NFIB: variants seen among roughly 807,000 people sequenced by gnomAD.
The protein encoded by NFIB is nuclear factor 1 B-type.
NFIB carries 11 observed loss-of-function variants against 61.5 expected under a neutral mutation model. The observed-to-expected ratio is 0.18, with a 90% CI of 0.11 to 0.30. NFIB has a LOEUF of 0.30. Ranked by LOEUF, NFIB falls within the 10% of genes least tolerant of loss-of-function variation. NFIB has a pLI of 1.00. For missense variants in NFIB, 471 were observed against 608.9 expected (o/e 0.77, Z 2.38); for synonymous variants, 260 against 216.5 (o/e 1.20, Z -1.76).
At chr9:14,204,691 T>A in intron 2 of NFIB, 1 of 622,506 alleles carries the variant, frequency 1.6e-6, no homozygotes, top group South Asian at 1.8e-5. Flanking sequence ...TGGTGTAGAA[T>A]AAGAAAGCTC....
intron 6 of NFIB, among the ~76,000 whole-genome samples, chr9:14,141,462 G>A (rs183071193): frequency 7.2e-5 from 11 of 152,116 alleles, no homozygotes; most frequent in Admixed American, 2.0e-4. Context: ...ACGGCTCATC[G>A]TCCTTAAAAC....
chr9:14,315,042 C>G (rs1006135416), upstream of NFIB, among the ~76,000 whole-genome samples: 1 of 151,906 alleles, frequency 6.6e-6, no homozygotes, highest in Admixed American at 6.5e-5. Flanking sequence ...GCACCCGGGG[C>G]GGGCTCAGTC....
chr9:14,511,509 A>G, the NFIB span, among the ~76,000 whole-genome samples: 1 of 119,292 alleles, frequency 8.4e-6, no homozygotes, highest in African/African-American at 2.9e-5. Context: ...TTATTTCATC[A>G]CTGTATGTTA....
intron 1 of NFIB, among the ~76,000 whole-genome samples, chr9:14,346,052 G>C (rs1055263306): frequency 6.6e-6 from 1 of 152,184 alleles, no homozygotes; most frequent in Non-Finnish European, 1.5e-5. Flanking sequence ...GGCTGAGGAG[G>C]CACGACCCTG....
the NFIB span, among the ~76,000 whole-genome samples, chr9:14,505,488 C>T: frequency 6.6e-6 from 1 of 152,196 alleles, no homozygotes; most frequent in South Asian, 2.1e-4. Context: ...GAGCCTTGAA[C>T]TTGTGCATGA....
chr9:14,237,125 AAAC>A (rs2053821029), intron 2 of NFIB, among the ~76,000 whole-genome samples: 3 of 152,226 alleles, frequency 2.0e-5, no homozygotes, highest in Admixed American at 6.5e-5. Flanking sequence ...TGAACTGCAT[AAAC>A]ATAAACAATT....
At chr9:14,249,291 C>T (rs2055302036) in intron 2 of NFIB, among the ~76,000 whole-genome samples, 1 of 152,142 alleles carries the variant, frequency 6.6e-6, no homozygotes, top group South Asian at 2.1e-4. Flanking sequence ...ACAAATTGCC[C>T]AAGTTTAAAT....
At chr9:14,479,034 G>C in the NFIB span, among the ~76,000 whole-genome samples, 1 of 152,202 alleles carries the variant, frequency 6.6e-6, no homozygotes, top group Non-Finnish European at 1.5e-5. Flanking sequence ...GTTGGGATTA[G>C]ACCAAGAAAT....
At chr9:14,262,936 A>C (rs184044683) in intron 2 of NFIB, among the ~76,000 whole-genome samples, 6 of 152,236 alleles carry the variant, frequency 3.9e-5, no homozygotes, top group Admixed American at 2.0e-4. Flanking sequence ...AAAAAAATTC[A>C]ATGTCGACAT....
intron 3 of NFIB, among the ~76,000 whole-genome samples, chr9:14,174,397 T>C (rs1024526084): frequency 6.6e-6 from 1 of 152,180 alleles, no homozygotes; most frequent in Non-Finnish European, 1.5e-5. Context: ...ATAGTGCATT[T>C]TTCCTCATTA....
intron 1 of NFIB, among the ~76,000 whole-genome samples, chr9:14,385,415 G>A (rs994586479): frequency 6.6e-6 from 1 of 152,206 alleles, no homozygotes; most frequent in African/African-American, 2.4e-5. Flanking sequence ...TACAGAGGGG[G>A]TTGGGAGGCC....
intron 1 of NFIB, among the ~76,000 whole-genome samples, chr9:14,372,361 G>A (rs1348610639): frequency 1.3e-5 from 2 of 152,112 alleles, no homozygotes; most frequent in Non-Finnish European, 2.9e-5. Context: ...TGAAAATTTT[G>A]CAAAACATGT....
rs976329621 is a variant in NFIB at position 14,087,703 on chromosome 9, A to G, written c.*606T>C. On this transcript the variant is annotated 3_prime_UTR_variant, in exon 11 of 11. Coordinates refer to ENST00000380953, the MANE Select transcript of NFIB (RefSeq NM_001190737.2). The stretch of plus-strand genomic sequence containing the variant: ...ACTAAAGGCTACAGAGATTTCATAT[A>G]TTTTTTTTAACTTTTAGAAATCAGA... 1.8e-4 allele frequency: 40 copies of G among 216,820 alleles called. No homozygotes were observed. Among genetic ancestry groups the G allele is most frequent in the African/African-American group, 7.0e-4 (31 of 44,250 alleles). The allele number at this position is 216,820 out of a possible 1,614,324, so 13.4% of individuals were successfully genotyped here.
At chr9:14,172,801 ACT>A (rs2045716946) in intron 3 of NFIB, among the ~76,000 whole-genome samples, 1 of 151,006 alleles carries the variant, frequency 6.6e-6, no homozygotes, top group Non-Finnish European at 1.5e-5. Context: ...ACGGAGTCTC[ACT>A]CTGCCACCCA....
At chr9:14,344,320 C>T (rs2060992907) in intron 1 of NFIB, among the ~76,000 whole-genome samples, 1 of 151,640 alleles carries the variant, frequency 6.6e-6, no homozygotes, top group Admixed American at 6.6e-5. Context: ...AGAAAGTCTC[C>T]AGCCAAATGC....
the NFIB span, among the ~76,000 whole-genome samples, chr9:14,491,740 TC>T: frequency 2.6e-5 from 4 of 152,204 alleles, no homozygotes; most frequent in Non-Finnish European, 5.9e-5. Flanking sequence ...ATTCAAAGCC[TC>T]CCCCCTCCAT....
the NFIB span, among the ~76,000 whole-genome samples, chr9:14,484,235 C>G: frequency 6.6e-6 from 1 of 152,188 alleles, no homozygotes; most frequent in Non-Finnish European, 1.5e-5. Context: ...ACTAAACAGA[C>G]AAAATCCCTG....
rs56764067 is a variant in NFIB, at chr9:14,373,641, AGTGTGTGT to A, written c.108+24875_108+24882del. Among the ~76,000 whole-genome samples the A allele has an allele frequency of 4.5e-3, 643 of 143,232 alleles. 3 individuals carry two copies. Among genetic ancestry groups the A allele is most frequent in the African/African-American group, 0.014 (546 of 39,690 alleles). 94.0% of individuals were successfully genotyped at this position (143,232 alleles called of 152,430 possible). A position where few individuals can be genotyped will look rare whatever the true frequency, so the allele number is the denominator to read the frequency against. ...TTAAAGGGCTGTGTGTGTCCACATG[AGTGTGTGT>A]GTGTGTGTGTGTGTGTGTGTGTGTG... On this transcript the variant is annotated intron_variant, in intron 1 of 8. Coordinates refer to the NFIB transcript ENST00000380934.
At chr9:14,291,895 T>C (rs981714269) in intron 2 of NFIB, among the ~76,000 whole-genome samples, 5 of 152,250 alleles carry the variant, frequency 3.3e-5, no homozygotes, top group Non-Finnish European at 7.4e-5. Flanking sequence ...GTCCTTTCTG[T>C]TTTTCAACCA....
Sources: allele counts gnomAD v4.1 joint callset (sites outside exome capture counted in the v4.1 genomes callset), GRCh38; gene constraint gnomAD v4.1.1; transcripts MANE v1.5; gene names NCBI Gene and HGNC (gene_info 2026-07-23, HGNC 2026-07-21).